Variants in NLGN1 observed in about 807,000 individuals in gnomAD.
NLGN1 encodes neuroligin 1.
A neutral mutation model predicts 65.5 loss-of-function variants in NLGN1; 12 were observed. The ratio of observed to expected loss-of-function variants is 0.18; its 90% CI spans 0.12 to 0.30. The LOEUF is 0.30. Among genes scored for constraint, NLGN1 ranks in the 10% least tolerant of loss-of-function variants. The probability of loss-of-function intolerance (pLI) is 1.00; values close to 1 mark genes in which losing one functional copy is unlikely to be tolerated. For missense variants in NLGN1, 750 were observed against 1,007.1 expected (o/e 0.74, Z 3.46); for synonymous variants, 350 against 359.5 (o/e 0.97, Z 0.30).
rs970871171 is a variant in NLGN1 at position 174,256,294 on chromosome 3, A to C, written c.647-19021A>C. ...AGAGCGCCAATGGAAGTAAATCCAG[A>C]GATTGGTTGCTTAATCATCTTCTCT... On this transcript the variant is annotated intron_variant, in intron 4 of 6. Transcript: ENST00000457714. Among the ~76,000 whole-genome samples, 6 of 152,340 alleles carry C rather than the reference A, an allele frequency of 3.9e-5. No individual in the cohort carries two copies. The South Asian group carries it at 8.3e-4, about 21-fold the overall frequency.
At chr3:174,007,921 A>G (rs1158023028) in intron 4 of NLGN1, among the ~76,000 whole-genome samples, 1 of 150,290 alleles carries the variant, frequency 6.7e-6, no homozygotes, top group Non-Finnish European at 1.5e-5. Context: ...AAGTGAGTAC[A>G]TTGGTTTTGC....
At chr3:173,772,890 T>C (rs1779785036) in intron 3 of NLGN1, among the ~76,000 whole-genome samples, 1 of 152,152 alleles carries the variant, frequency 6.6e-6, no homozygotes, top group African/African-American at 2.4e-5. Flanking sequence ...CAGCAGGCTA[T>C]AATTCCACCT....
chr3:174,126,758 AT>A (rs1042681352), intron 4 of NLGN1, among the ~76,000 whole-genome samples: 12 of 152,094 alleles, frequency 7.9e-5, no homozygotes, highest in African/African-American at 2.9e-4. Context: ...AACTTCTGTG[AT>A]TTTTCTAAGC....
At chr3:173,688,693 T>G (rs1391050300) in intron 3 of NLGN1, among the ~76,000 whole-genome samples, 1 of 152,330 alleles carries the variant, frequency 6.6e-6, no homozygotes, top group East Asian at 1.9e-4. Context: ...CTAATCTTGC[T>G]TTCTCCTATT....
At chr3:174,274,193 T>TAGTC (rs1750061575) in intron 4 of NLGN1, among the ~76,000 whole-genome samples, 1 of 151,912 alleles carries the variant, frequency 6.6e-6, no homozygotes, top group South Asian at 2.1e-4. Flanking sequence ...TAATATAAAA[T>TAGTC]AGTCCATAAG....
intron 2 of NLGN1, among the ~76,000 whole-genome samples, chr3:173,584,026 A>G (rs2149371550): frequency 6.6e-6 from 1 of 152,186 alleles, no homozygotes; most frequent in Non-Finnish European, 1.5e-5. Flanking sequence ...AATTGCCTCA[A>G]ATTGGCATTT....
intron 4 of NLGN1, among the ~76,000 whole-genome samples, chr3:173,907,873 C>T (rs1031098953): frequency 2.0e-5 from 3 of 152,050 alleles, no homozygotes; most frequent in Non-Finnish European, 4.4e-5. Context: ...GTGTGAGCCA[C>T]CACCCCCGGC....
At chr3:173,857,018 G>GA (rs1365665198) in intron 4 of NLGN1, among the ~76,000 whole-genome samples, 6 of 80,722 alleles carry the variant, frequency 7.4e-5, no homozygotes, top group African/African-American at 1.2e-4. Context: ...AAAGGCGTTA[G>GA]ATAAAAAAAA....
chr3:173,710,828 G>A (rs1403780974), intron 3 of NLGN1, among the ~76,000 whole-genome samples: 1 of 152,172 alleles, frequency 6.6e-6, no homozygotes, highest in African/African-American at 2.4e-5. Flanking sequence ...CCATGCGAGA[G>A]TAAACTGGGT....
chr3:174,276,114 G>C (rs1218786046), intron 5 of NLGN1, among the ~76,000 whole-genome samples: 1 of 151,850 alleles, frequency 6.6e-6, no homozygotes, highest in Non-Finnish European at 1.5e-5. Context: ...ATTTGATTCA[G>C]TGTTTTTTCT....
At chr3:173,659,393 T>A (rs1760577810) in intron 3 of NLGN1, among the ~76,000 whole-genome samples, 1 of 151,974 alleles carries the variant, frequency 6.6e-6, no homozygotes, top group Non-Finnish European at 1.5e-5. Context: ...CTCCTCTATT[T>A]GCTGAAGTGT....
At chr3:173,805,835 C>T (rs757945634) in intron 3 of NLGN1, among the ~76,000 whole-genome samples, 1 of 152,144 alleles carries the variant, frequency 6.6e-6, no homozygotes, top group East Asian at 1.9e-4. Context: ...ATGTAGCAAA[C>T]AGGCATTTAA....
At chr3:173,580,057 G>A (rs959066697) in intron 2 of NLGN1, among the ~76,000 whole-genome samples, 1 of 151,886 alleles carries the variant, frequency 6.6e-6, no homozygotes, top group Non-Finnish European at 1.5e-5. Flanking sequence ...ATCCTAAAAC[G>A]TTTATCACAA....
At chr3:173,539,823 AT>A (rs1232719352) in intron 2 of NLGN1, among the ~76,000 whole-genome samples, 6 of 133,580 alleles carry the variant, frequency 4.5e-5, no homozygotes, top group South Asian at 2.4e-4. Context: ...TACATATGTT[AT>A]ATATGTATAT....
At chr3:173,888,395 A>T (rs1438582411) in intron 4 of NLGN1, among the ~76,000 whole-genome samples, 1 of 152,104 alleles carries the variant, frequency 6.6e-6, no homozygotes, top group Non-Finnish European at 1.5e-5. Flanking sequence ...TATAAATGCT[A>T]TATCAAGAGT....
intron 2 of NLGN1, among the ~76,000 whole-genome samples, chr3:173,534,819 T>G (rs1467532385): frequency 2.6e-5 from 4 of 152,190 alleles, no homozygotes; most frequent in Non-Finnish European, 5.9e-5. Flanking sequence ...CCACATTTCC[T>G]TTCCTCACAC....
chr3:174,235,947 A>G (rs1486651702), intron 4 of NLGN1, among the ~76,000 whole-genome samples: 1 of 152,108 alleles, frequency 6.6e-6, no homozygotes, highest in Non-Finnish European at 1.5e-5. Context: ...TATAAAATAT[A>G]TTTGCTGGCT....
At chr3:173,772,939 G>A (rs1256587107) in intron 3 of NLGN1, among the ~76,000 whole-genome samples, 2 of 152,024 alleles carry the variant, frequency 1.3e-5, no homozygotes, top group African/African-American at 4.8e-5. Context: ...AACTCTTTTT[G>A]CAAAAGCAAT....
At chr3:173,524,588 T>C (rs989442994) in intron 2 of NLGN1, among the ~76,000 whole-genome samples, 2 of 152,226 alleles carry the variant, frequency 1.3e-5, no homozygotes. Flanking sequence ...TGGCTAGCAC[T>C]CCTTGTACTG....
Sources: allele counts gnomAD v4.1 joint callset (sites outside exome capture counted in the v4.1 genomes callset), GRCh38; gene constraint gnomAD v4.1.1; transcripts MANE v1.5; gene names NCBI Gene and HGNC (gene_info 2026-07-23, HGNC 2026-07-21).